Variants in DMD observed in about 807,000 individuals in gnomAD.
DMD encodes mutant dystrophin.
In DMD, 63 loss-of-function variants were observed where a neutral mutation model predicts 330.1. That is an observed-to-expected ratio of 0.19 (90% CI 0.16 to 0.24). The LOEUF (loss-of-function observed/expected upper bound fraction) is 0.24, where lower values mean the gene tolerates loss of function less well. DMD is among the 10% of genes least tolerant of loss of function. The pLI, the probability that DMD is intolerant of heterozygous loss-of-function variation, is 1.00. For synonymous variants in DMD, 1,223 were observed against 959.8 expected (o/e 1.27, Z -5.07); for missense variants, 3,344 against 2,684.1 (o/e 1.25, Z -5.43).
At chrX:32,970,606 C>T (rs2092344274) in intron 2 of DMD, among the ~76,000 whole-genome samples, 1 of 92,436 alleles carries the variant, frequency 1.1e-5, no homozygotes, top group Non-Finnish European at 2.0e-5. Context: ...TGCACTCCAG[C>T]CTGGGTGACA....
chrX:31,473,274 C>T (rs1473012852), intron 59 of DMD, among the ~76,000 whole-genome samples: 1 of 107,341 alleles, frequency 9.3e-6, no homozygotes, highest in Non-Finnish European at 1.9e-5. Flanking sequence ...GAGGCTGAGG[C>T]AGAGAATTGC....
At chrX:31,134,399 T>G (rs765836856) in intron 76 of DMD, among the ~76,000 whole-genome samples, 1 of 100,252 alleles carries the variant, frequency 1.0e-5, no homozygotes, top group Non-Finnish European at 2.0e-5. Flanking sequence ...TCATTACCCT[T>G]GGAGAAAAAA....
chrX:31,917,071 C>T (rs1249902631), intron 47 of DMD, among the ~76,000 whole-genome samples: 1 of 111,402 alleles, frequency 9.0e-6, no homozygotes, highest in Non-Finnish European at 1.9e-5. Context: ...TTGATAGCCA[C>T]TCTCTACCTC....
intron 5 of DMD, among the ~76,000 whole-genome samples, chrX:32,821,480 C>T (rs1353296478): frequency 7.4e-5 from 8 of 108,457 alleles, no homozygotes; most frequent in Non-Finnish European, 1.5e-4. Context: ...CCCAGCTACT[C>T]GGGAGGCTGA....
intron 2 of DMD, among the ~76,000 whole-genome samples, chrX:32,937,740 G>A (rs1273522430): frequency 1.8e-5 from 2 of 109,174 alleles, no homozygotes; most frequent in Non-Finnish European, 3.8e-5. Flanking sequence ...ACAGACACAC[G>A]TTACACAACC....
chrX:32,550,788 T>C (rs1170153776), intron 16 of DMD, among the ~76,000 whole-genome samples: 1 of 109,938 alleles, frequency 9.1e-6, no homozygotes, highest in Non-Finnish European at 1.9e-5. Context: ...CAATAAAAAA[T>C]GACAAAGGGG....
chrX:32,551,107 G>T (rs772652377), intron 16 of DMD, among the ~76,000 whole-genome samples: 2 of 111,139 alleles, frequency 1.8e-5, no homozygotes, highest in African/African-American at 6.5e-5. Context: ...AAAAATTGAG[G>T]AGCGGCTCCT....
intron 25 of DMD, among the ~76,000 whole-genome samples, chrX:32,455,527 C>A (rs765863753): frequency 9.0e-5 from 10 of 110,950 alleles, no homozygotes; most frequent in Non-Finnish European, 1.3e-4. Flanking sequence ...ATAATACAAC[C>A]TTTTAGATAG....
intron 47 of DMD, among the ~76,000 whole-genome samples, chrX:31,922,647 G>C (rs2094710328): frequency 9.0e-6 from 1 of 111,122 alleles, no homozygotes; most frequent in Admixed American, 9.5e-5. Flanking sequence ...CACCCAGCTG[G>C]TGCCTGCTGT....
At chrX:33,184,065 T>G (rs2148755011) in intron 1 of DMD, among the ~76,000 whole-genome samples, 1 of 111,697 alleles carries the variant, frequency 9.0e-6, no homozygotes, top group African/African-American at 3.2e-5. Flanking sequence ...CTGATATCAA[T>G]AGCGTACATT....
intron 18 of DMD, among the ~76,000 whole-genome samples, chrX:32,514,277 C>G (rs2045629035): frequency 9.3e-6 from 1 of 107,796 alleles, no homozygotes; most frequent in Non-Finnish European, 1.9e-5. Flanking sequence ...CAAATACCCA[C>G]AATTTGAGAA....
chrX:32,856,497 G>T (rs928371841), intron 2 of DMD, among the ~76,000 whole-genome samples: 2 of 111,382 alleles, frequency 1.8e-5, no homozygotes, highest in South Asian at 7.5e-4. Flanking sequence ...AAAATGAGAC[G>T]CTGTCATTTG....
intron 62 of DMD, 115 bp downstream of exon 62, chrX:31,323,483 A>G: frequency 1.6e-6 from 1 of 639,473 alleles, no homozygotes; most frequent in Non-Finnish European, 2.5e-6. Flanking sequence ...CAGGAAAAAA[A>G]AGACACAGGT....
chrX:31,832,367 T>C (rs1369527033), intron 49 of DMD, among the ~76,000 whole-genome samples: 1 of 111,653 alleles, frequency 9.0e-6, no homozygotes, highest in Non-Finnish European at 1.9e-5. Flanking sequence ...ATGTTGGCAG[T>C]AGAACAAACT....
chrX:32,133,050 A>G (rs1254916329), intron 44 of DMD, among the ~76,000 whole-genome samples: 2 of 89,858 alleles, frequency 2.2e-5, no homozygotes, highest in African/African-American at 9.4e-5. Flanking sequence ...TCCATCGCCC[A>G]GGTTGGAGCG....
intron 7 of DMD, among the ~76,000 whole-genome samples, chrX:32,719,568 C>G (rs1403012669): frequency 5.4e-5 from 6 of 111,239 alleles, no homozygotes; most frequent in African/African-American, 9.8e-5. Flanking sequence ...GCATTTGCCT[C>G]CAAATATTAT....
intron 43 of DMD, among the ~76,000 whole-genome samples, chrX:32,233,175 G>C (rs1359826148): frequency 8.9e-6 from 1 of 112,003 alleles, no homozygotes; most frequent in East Asian, 2.8e-4. Flanking sequence ...ATTTTAAGGA[G>C]GGTATGAACT....
chrX:31,233,888 T>TTG (rs1237259407), intron 63 of DMD, among the ~76,000 whole-genome samples: 6 of 111,482 alleles, frequency 5.4e-5, no homozygotes, highest in Admixed American at 1.9e-4. Flanking sequence ...GACTCTTTTT[T>TTG]TGTGTGTGTG....
intron 67 of DMD, among the ~76,000 whole-genome samples, chrX:31,187,559 G>C (rs1366311360): frequency 9.0e-6 from 1 of 111,401 alleles, no homozygotes; most frequent in African/African-American, 3.3e-5. Flanking sequence ...CAGATCAATC[G>C]TCCAGCAAAA....
Sources: gnomAD v4.1 joint callset for allele counts (sites outside exome capture counted in the v4.1 genomes callset) on GRCh38, gnomAD v4.1.1 for gene constraint, MANE v1.5 for transcripts, NCBI Gene and HGNC (gene_info 2026-07-23, HGNC 2026-07-21) for gene names.